Variants in UBL3 observed in about 807,000 individuals in gnomAD.
UBL3 encodes ubiquitin like 3.
In UBL3, 6 loss-of-function variants were observed where a neutral mutation model predicts 18.4. That is an observed-to-expected ratio of 0.33 (90% CI 0.18 to 0.64). The LOEUF (loss-of-function observed/expected upper bound fraction) is 0.64, where lower values mean the gene tolerates loss of function less well. Ranked by LOEUF, UBL3 falls within the 30% of genes least tolerant of loss-of-function variation. The pLI, the probability that UBL3 is intolerant of heterozygous loss-of-function variation, is 0.76. For missense variants in UBL3, 109 were observed against 142.9 expected (o/e 0.76, Z 1.21); for synonymous variants, 49 against 46.6 (o/e 1.05, Z -0.21).
rs918016402 is a variant in UBL3 at position 29,764,527 on chromosome 13, A to G, written c.*2728T>C. The G allele has an allele frequency of 1.3e-5, 2 of 152,250 alleles. No individual in the cohort carries two copies. Among genetic ancestry groups the G allele is most frequent in the African/African-American group, 4.8e-5 (2 of 41,456 alleles). The allele number at this position is 152,250 out of a possible 1,614,324, so 9.4% of individuals were successfully genotyped here. The stretch of plus-strand genomic sequence containing the variant: ...CTTCATAAAACTAAAGATAAATGTT[A>G]TGAGGAAACTTCATTTAACGTGAAT... On this transcript the variant is annotated 3_prime_UTR_variant, in exon 5 of 5. Coordinates refer to ENST00000380680, the MANE Select transcript of UBL3 (RefSeq NM_007106.4).
intron 1 of UBL3, among the ~76,000 whole-genome samples, chr13:29,782,708 ATCT>A (rs1877209533): frequency 6.6e-6 from 1 of 152,180 alleles, no homozygotes; most frequent in Admixed American, 6.5e-5. Flanking sequence ...AGATTTTAAA[ATCT>A]TCTACTCAGA....
At chr13:29,779,984 G>A (rs1231445708) in intron 1 of UBL3, among the ~76,000 whole-genome samples, 2 of 152,104 alleles carry the variant, frequency 1.3e-5, no homozygotes, top group African/African-American at 4.8e-5. Context: ...CCTCCAGGTG[G>A]GGAGAGCAAG....
At chr13:29,771,223 T>C (rs951314152) in intron 3 of UBL3, among the ~76,000 whole-genome samples, 4 of 152,038 alleles carry the variant, frequency 2.6e-5, no homozygotes, top group Non-Finnish European at 5.9e-5. Flanking sequence ...GAGGAAAAAC[T>C]CAGACTATAT....
chr13:29,821,272 T>C (rs77297263), intron 1 of UBL3, among the ~76,000 whole-genome samples: 2,142 of 152,348 alleles, frequency 0.014, 44 homozygotes, highest in African/African-American at 0.049. Flanking sequence ...CTATTACTTA[T>C]AGGTTATATA....
chr13:29,772,142 G>A lies in UBL3; in HGVS notation c.193C>T (p.Arg65Ter), dbSNP rs145634686. The A allele has an allele frequency of 4.3e-6, 7 of 1,611,558 alleles. No individual in the cohort carries two copies. Among genetic ancestry groups the A allele is most frequent in the African/African-American group, 4.0e-5 (3 of 74,778 alleles). Residue 65 changes from arginine to a stop codon, truncating the protein, a stop_gained, in exon 3 of 5, where the codon CGA becomes TGA. Transcript: ENST00000380680. LOFTEE classifies it high-confidence loss of function. ...PNILRLIYQG[R>*]FLHGNVTLGA... is the part of the protein sequence containing the mutation. ...AATGTGACATTTCCATGTAGAAATC[G>A]TCCTTGATAAATAAGTCGTAGAATA...
intron 1 of UBL3, among the ~76,000 whole-genome samples, chr13:29,823,351 G>A (rs1056100361): frequency 1.8e-4 from 27 of 152,306 alleles, no homozygotes; most frequent in African/African-American, 6.0e-4. Context: ...ATGTTTGTCA[G>A]GCTGGTCTCC....
At chr13:29,826,899 G>A (rs190912094) in intron 1 of UBL3, among the ~76,000 whole-genome samples, 4,474 of 152,158 alleles carry the variant, frequency 0.029, 127 homozygotes, top group African/African-American at 0.062. Flanking sequence ...TGTTCTCATG[G>A]GTTTCAAAGA....
chr13:29,831,844 G>GT, intron 1 of UBL3, among the ~76,000 whole-genome samples: 1 of 152,120 alleles, frequency 6.6e-6, no homozygotes, highest in South Asian at 2.1e-4. Flanking sequence ...AAAAGTCAAA[G>GT]ATCTTTTTAG....
chr13:29,808,112 TG>T (rs1348336144), intron 1 of UBL3, among the ~76,000 whole-genome samples: 1 of 152,184 alleles, frequency 6.6e-6, no homozygotes, highest in African/African-American at 2.4e-5. Flanking sequence ...AAAAAGAAGC[TG>T]CTTAAGCAGC....
intron 1 of UBL3, chr13:29,777,551 T>C (rs1877033542): frequency 8.2e-6 from 4 of 485,644 alleles, no homozygotes; most frequent in South Asian, 1.7e-5. Flanking sequence ...TCCAACAATG[T>C]TCAGAATTGA....
intron 2 of UBL3, among the ~76,000 whole-genome samples, chr13:29,773,729 G>C (rs140382043): frequency 6.6e-6 from 1 of 152,192 alleles, no homozygotes. Flanking sequence ...TTAGAATATA[G>C]CTTAAATGAA....
intron 1 of UBL3, among the ~76,000 whole-genome samples, chr13:29,798,866 A>C (rs1369107830): frequency 2.6e-5 from 4 of 152,234 alleles, no homozygotes; most frequent in Non-Finnish European, 4.4e-5. Flanking sequence ...AACAATGAGA[A>C]CAGTATGTGT....
At chr13:29,842,879 A>T (rs181231186) in intron 1 of UBL3, among the ~76,000 whole-genome samples, 56 of 152,370 alleles carry the variant, frequency 3.7e-4, no homozygotes, top group Non-Finnish European at 4.4e-4. Flanking sequence ...TCCATGAAAC[A>T]AAAGATACTC....
chr13:29,770,608 G>C (rs1876816114), intron 3 of UBL3, among the ~76,000 whole-genome samples: 2 of 151,918 alleles, frequency 1.3e-5, no homozygotes, highest in Non-Finnish European at 2.9e-5. Context: ...GGGAAATGGA[G>C]CATTTCAAGG....
At chr13:29,776,869 CAAAAAAAAAAAAAAA>C (rs869080358) in intron 2 of UBL3, among the ~76,000 whole-genome samples, 13 of 62,702 alleles carry the variant, frequency 2.1e-4, no homozygotes, top group African/African-American at 6.8e-4. Context: ...GACTCCATCT[CAAAAAAAAAAAAAAA>C]AAAAAAAAAA....
rs1307815625 is a variant in UBL3 at position 29,764,461 on chromosome 13, C to T, written c.*2794G>A. On this transcript the variant is annotated 3_prime_UTR_variant, in exon 5 of 5. Transcript: ENST00000380680. ...TTTTCACATTAAACATTGTTTACCA[C>T]AATCAGCTAACAGAAATTACTGTAA... The T allele has an allele frequency of 6.6e-6, 1 of 152,182 alleles. No individual in the cohort carries two copies. Among genetic ancestry groups the T allele is most frequent in the South Asian group, 2.1e-4 (1 of 4,832 alleles). 9.4% of individuals were successfully genotyped at this position (152,182 alleles called of 1,614,324 possible).
At chr13:29,848,660 G>A (rs998602904) in intron 1 of UBL3, among the ~76,000 whole-genome samples, 1 of 152,016 alleles carries the variant, frequency 6.6e-6, no homozygotes, top group Non-Finnish European at 1.5e-5. Context: ...TTGTCCTTAG[G>A]ACTGCAAAAT....
At chr13:29,835,153 T>TATATATATATAA (rs1878921487) in intron 1 of UBL3, among the ~76,000 whole-genome samples, 5 of 30,498 alleles carry the variant, frequency 1.6e-4, no homozygotes, top group Non-Finnish European at 2.4e-4. Context: ...TATATATATA[T>TATATATATATAA]ATATATATAT....
In UBL3 at chr13:29,765,660, C is replaced by T. The variant is rs140178929; in HGVS notation, c.*1595G>A. 5.0e-4 allele frequency: 76 copies of T among 152,456 alleles called. 1 individual carries two copies. In the East Asian group the frequency reaches 0.013, roughly 26 times the overall value. 9.4% of individuals were successfully genotyped at this position (152,456 alleles called of 1,614,324 possible). ...AGTTTACAGGAAGAATCTGTAAGTA[C>T]AGGTTGCAGAAAGAAAACGTTTAGT... On this transcript the variant is annotated 3_prime_UTR_variant, in exon 5 of 5. Coordinates refer to ENST00000380680, the MANE Select transcript of UBL3 (RefSeq NM_007106.4).
Sources: allele counts gnomAD v4.1 joint callset (sites outside exome capture counted in the v4.1 genomes callset), GRCh38; gene constraint gnomAD v4.1.1; transcripts MANE v1.5; gene names NCBI Gene and HGNC (gene_info 2026-07-23, HGNC 2026-07-21).